The following SLC66A3 variants were observed in gnomAD, a reference collection of about 807,000 sequenced individuals.
SLC66A3 encodes PQ loop repeat containing 3.
Under a neutral mutation model 25.5 loss-of-function variants are expected in SLC66A3, and 23 were observed. The ratio of observed to expected loss-of-function variants is 0.90; its 90% confidence interval spans 0.65 to 1.28. SLC66A3 has a LOEUF of 1.28. Among genes scored for constraint, SLC66A3 ranks in the 50% most tolerant of loss-of-function variants. The pLI is 0.00. For missense variants in SLC66A3, 246 were observed against 262.1 expected, an observed-to-expected ratio of 0.94 and a Z score of 0.42; for synonymous variants, 108 against 112.6, an observed-to-expected ratio of 0.96 and a Z score of 0.26.
At chr2:11,156,633 T>C (rs1334001911) in intron 1 of SLC66A3, among the ~76,000 whole-genome samples, 1 of 152,130 alleles carries the variant, frequency 6.6e-6, no homozygotes, top group Admixed American at 6.5e-5. Flanking sequence ...CCACTCAGGC[T>C]TTGGACCCCG....
rs111926914 is a variant in SLC66A3, at chr2:11,166,121, G to A, written c.354+1860G>A. ...ACTCCTGACCTCAGATGATCCACAC[G>A]CCTCGGCCTCCCAAAGTGCTGGGAT... is the stretch of plus-strand genomic sequence containing the variant. On this transcript the variant is annotated intron_variant, in intron 4 of 6. Coordinates refer to ENST00000295083, the MANE Select transcript of SLC66A3 (RefSeq NM_152391.5). Among the ~76,000 whole-genome samples, 978 of 152,256 alleles carry A rather than the reference G, an allele frequency of 6.4e-3. 8 individuals carry two copies. Among genetic ancestry groups the A allele is most frequent in the African/African-American group, 0.023 (946 of 41,556 alleles).
At chr2:11,171,904 T>C (rs896395231) in intron 4 of SLC66A3, 21 bp from the exon 5 acceptor site, 39 of 1,613,246 alleles carry the variant, frequency 2.4e-5, no homozygotes, top group Non-Finnish European at 3.3e-5. Context: ...CGTGACTTTC[T>C]CACATTTTAT....
chr2:11,166,121 G>T (rs111926914), intron 4 of SLC66A3, among the ~76,000 whole-genome samples: 3 of 152,142 alleles, frequency 2.0e-5, no homozygotes, highest in African/African-American at 7.2e-5. Flanking sequence ...TGATCCACAC[G>T]CCTCGGCCTC....
chr2:11,164,322 G>C, intron 4 of SLC66A3, 61 bp downstream of exon 4: 1 of 327,066 alleles, frequency 3.1e-6, no homozygotes, highest in Non-Finnish European at 5.0e-6. Context: ...GAACTTGATA[G>C]ATATTTATAT....
intron 4 of SLC66A3, among the ~76,000 whole-genome samples, chr2:11,168,028 C>G (rs1662406701): frequency 6.6e-6 from 1 of 152,154 alleles, no homozygotes; most frequent in Non-Finnish European, 1.5e-5. Flanking sequence ...CGCCTGTGAT[C>G]CCAGCACTCT....
chr2:11,177,339 C>A (rs114895121), intron 6 of SLC66A3, among the ~76,000 whole-genome samples: 22 of 152,020 alleles, frequency 1.4e-4, no homozygotes, highest in Admixed American at 7.2e-4. Context: ...GGGCACCTGT[C>A]ATCCCAGGTG....
At chr2:11,163,738 A>C (rs1662207173) in intron 3 of SLC66A3, among the ~76,000 whole-genome samples, 1 of 152,090 alleles carries the variant, frequency 6.6e-6, no homozygotes, top group African/African-American at 2.4e-5. Flanking sequence ...AGCATTGCCC[A>C]CCCCAGCTGT....
chr2:11,164,725 G>C (rs13019993), intron 4 of SLC66A3, among the ~76,000 whole-genome samples: 75,717 of 149,176 alleles, frequency 0.51, 19,213 homozygotes, highest in South Asian at 0.54. Flanking sequence ...TGAGATTAGG[G>C]AGTGGTGATG....
chr2:11,158,321 C>T (rs1661979982), intron 1 of SLC66A3, among the ~76,000 whole-genome samples: 1 of 152,218 alleles, frequency 6.6e-6, no homozygotes, highest in East Asian at 1.9e-4. Context: ...AGTTCAAGAC[C>T]AGCCTTGCCA....
chr2:11,168,126 TA>T (rs1036184232), intron 4 of SLC66A3, among the ~76,000 whole-genome samples: 7 of 150,532 alleles, frequency 4.7e-5, no homozygotes, highest in Non-Finnish European at 8.9e-5. Flanking sequence ...TAAAAATATA[TA>T]AAAAAAAATT....
At chr2:11,176,525 CTTTTTTT>C (rs775778444) in intron 6 of SLC66A3, among the ~76,000 whole-genome samples, 4 of 87,304 alleles carry the variant, frequency 4.6e-5, no homozygotes, top group Admixed American at 1.5e-4. Flanking sequence ...CTGGGAATAA[CTTTTTTT>C]TTTTTTTTTT....
chr2:11,158,783 C>T (rs1028914531), intron 1 of SLC66A3, among the ~76,000 whole-genome samples: 2 of 152,146 alleles, frequency 1.3e-5, no homozygotes, highest in African/African-American at 4.8e-5. Flanking sequence ...CGCGCCACTG[C>T]ACTCCAGCCT....
intron 1 of SLC66A3, among the ~76,000 whole-genome samples, chr2:11,159,442 C>A (rs1662035060): frequency 6.6e-6 from 1 of 152,182 alleles, no homozygotes. Context: ...ACGGTGGGGG[C>A]CCGCACTCGG....
intron 4 of SLC66A3, among the ~76,000 whole-genome samples, chr2:11,169,234 C>A (rs1217695595): frequency 6.6e-6 from 1 of 152,180 alleles, no homozygotes; most frequent in African/African-American, 2.4e-5. Flanking sequence ...CCTTTATCAT[C>A]ACGTTTGCCA....
At chr2:11,169,756 TGTGTCTCA>T (rs1662478390) in intron 4 of SLC66A3, among the ~76,000 whole-genome samples, 1 of 151,692 alleles carries the variant, frequency 6.6e-6, no homozygotes, top group African/African-American at 2.4e-5. Flanking sequence ...TTCATCTTAA[TGTGTCTCA>T]GTTAATGGGA....
intron 3 of SLC66A3, among the ~76,000 whole-genome samples, chr2:11,161,317 G>C (rs1296897590): frequency 6.7e-6 from 1 of 150,346 alleles, no homozygotes; most frequent in African/African-American, 2.5e-5. Flanking sequence ...CTCGCTCTGT[G>C]GCCTAGGCTG....
chr2:11,160,254 C>T (rs538294747), intron 1 of SLC66A3: 72 of 612,504 alleles, frequency 1.2e-4, no homozygotes, highest in Non-Finnish European at 4.4e-5. Context: ...CACTGTGGCC[C>T]GGTGCCCAGT....
chr2:11,164,977 T>C (rs1176909182), intron 4 of SLC66A3, among the ~76,000 whole-genome samples: 2 of 152,172 alleles, frequency 1.3e-5, no homozygotes, highest in Non-Finnish European at 2.9e-5. Flanking sequence ...CTCTATCTTT[T>C]CCCCTTTCCC....
chr2:11,169,834 T>C (rs1662481770), intron 4 of SLC66A3, among the ~76,000 whole-genome samples: 1 of 102,320 alleles, frequency 9.8e-6, no homozygotes, highest in South Asian at 2.6e-4. Flanking sequence ...CCTGGATTTC[T>C]CTCTTTTTTT....
Sources: allele counts gnomAD v4.1 joint callset (sites outside exome capture counted in the v4.1 genomes callset), GRCh38; gene constraint gnomAD v4.1.1; transcripts MANE v1.5; gene names NCBI Gene and HGNC (gene_info 2026-07-23, HGNC 2026-07-21).